Variants in ALPK2 observed in about 807,000 individuals in gnomAD.
The protein encoded by ALPK2 is alpha kinase 2, also known as alpha-protein kinase 2.
In ALPK2, 127 loss-of-function variants were observed where a neutral mutation model predicts 163.1. That is an observed-to-expected ratio of 0.78 (90% CI 0.67 to 0.90). The LOEUF is 0.90. Among genes scored for constraint, ALPK2 ranks in the 40% least tolerant of loss-of-function variants. The pLI is 0.00. For synonymous variants in ALPK2, 953 were observed against 959.1 expected (o/e 0.99, Z 0.12); for missense variants, 2,360 against 2,589.6 (o/e 0.91, Z 1.92).
intron 12 of ALPK2, among the ~76,000 whole-genome samples, chr18:58,490,120 G>A (rs559325370): frequency 2.2e-4 from 34 of 152,146 alleles, no homozygotes; most frequent in Admixed American, 6.5e-4. Context: ...TTCAACCTAG[G>A]GTTTCCCAAA....
chr18:58,521,627 C>CTTTTTTTTTTTT lies in ALPK2; in HGVS notation c.5665+2167_5665+2178dup, dbSNP rs398033036. Among the ~76,000 whole-genome samples, 224 of 55,380 alleles carry CTTTTTTTTTTTT rather than the reference C, an allele frequency of 4.0e-3. 30 individuals are homozygous for CTTTTTTTTTTTT. The highest frequency in any genetic ancestry group is 9.4e-3 in the African/African-American group (149 of 15,828). The allele number at this position is 55,380 out of a possible 152,430, so 36.3% of individuals were successfully genotyped here. A position where few individuals can be genotyped will look rare whatever the true frequency, so the allele number is the denominator to read the frequency against. ...TTTCTTTTTCTTTCTTTCTCTCTCT[C>CTTTTTTTTTTTT]TTTTTTTTTTTTTTTTTTTGAGATG... On this transcript the variant is annotated intron_variant, in intron 8 of 12. Coordinates refer to ENST00000361673, the MANE Select transcript of ALPK2 (RefSeq NM_052947.4).
At position 58,529,063 on chromosome 18, in the gene ALPK2, G is replaced by C. The variant is rs920200804; in HGVS notation, c.5501+28C>G. 6 of 1,613,736 alleles carry C rather than the reference G, an allele frequency of 3.7e-6. No homozygotes were observed. In the Admixed American group the frequency reaches 5.0e-5, roughly 13 times the overall value. ...TGTGAAATAAACAAGCAACAACTGT[G>C]AAAAGTAACCAGGGAAAAACATCGC... On this transcript the variant is annotated intron_variant, in intron 6 of 12. Coordinates refer to ENST00000361673, the MANE Select transcript of ALPK2 (RefSeq NM_052947.4).
At chr18:58,601,992 C>A (rs970395437) in intron 3 of ALPK2, among the ~76,000 whole-genome samples, 1 of 152,078 alleles carries the variant, frequency 6.6e-6, no homozygotes, top group African/African-American at 2.4e-5. Context: ...GCAGTAGCAC[C>A]CCACCCCCTC....
At chr18:58,507,581 A>G (rs966901808) in intron 10 of ALPK2, among the ~76,000 whole-genome samples, 4 of 152,182 alleles carry the variant, frequency 2.6e-5, no homozygotes, top group Non-Finnish European at 5.9e-5. Context: ...CCCCTCTCCC[A>G]GTGGAATGAA....
intron 3 of ALPK2, among the ~76,000 whole-genome samples, chr18:58,594,892 C>T (rs554071959): frequency 6.6e-6 from 1 of 152,368 alleles, no homozygotes; most frequent in East Asian, 1.9e-4. Context: ...TGGTTGCTTG[C>T]AGTCCCCATC....
chr18:58,554,817 A>G (rs2051781265), intron 4 of ALPK2, among the ~76,000 whole-genome samples: 1 of 152,112 alleles, frequency 6.6e-6, no homozygotes, highest in Admixed American at 6.5e-5. Context: ...AGCTCCCATA[A>G]TCCCCATGTA....
intron 4 of ALPK2, among the ~76,000 whole-genome samples, chr18:58,545,525 G>C (rs577147218): frequency 6.6e-6 from 1 of 152,282 alleles, no homozygotes; most frequent in South Asian, 2.1e-4. Flanking sequence ...AAGTAGAGTG[G>C]GGGAGGGAGA....
At chr18:58,504,755 C>T (rs182804958) in intron 10 of ALPK2, among the ~76,000 whole-genome samples, 14 of 152,226 alleles carry the variant, frequency 9.2e-5, no homozygotes, top group Admixed American at 3.3e-4. Context: ...GAAGAGGAGA[C>T]GGGCATGCGG....
At chr18:58,549,963 C>A (rs1192794605) in intron 4 of ALPK2, among the ~76,000 whole-genome samples, 1 of 152,096 alleles carries the variant, frequency 6.6e-6, no homozygotes, top group East Asian at 1.9e-4. Flanking sequence ...GACCTACGTG[C>A]CCCTCTCACC....
In ALPK2 at chr18:58,535,672, TG is replaced by T; in HGVS notation, c.4514del (p.Pro1505GlnfsTer6). ...GTATTTGGCCTATGCTACATCCACTTGGAATTCTTTCACCGCCTTCGCTGGG... is the reference window on the plus strand; with the variant it reads ...GTATTTGGCCTATGCTACATCCACTTGAATTCTTTCACCGCCTTCGCTGGG... ...LQPSEGGERI[P>X]SGCSIGQIQE... On this transcript the variant is annotated frameshift_variant, in exon 5 of 13. Coordinates refer to ENST00000361673, the MANE Select transcript of ALPK2 (RefSeq NM_052947.4). 1 of 1,614,266 alleles carries T rather than the reference TG, an allele frequency of 6.2e-7. No homozygotes were observed. Among genetic ancestry groups the T allele is most frequent in the South Asian group, 1.1e-5 (1 of 91,086 alleles).
rs1311083931 is a variant in ALPK2 at position 58,536,512 on chromosome 18, A to G, written c.3675T>C (p.Tyr1225=). Residue 1225 remains tyrosine, a synonymous_variant, in exon 5 of 13, where the codon TAT becomes TAC. Transcript: ENST00000361673. ...SDILLEESKE[Y]RPGNWEAGNK... ...TGCCTGCCTCCCAATTTCCAGGTCT[A>G]TATTCTTTAGACTCTTCCAAAAGGA... 3.7e-6 allele frequency: 6 copies of G among 1,613,704 alleles called. No individual in the cohort carries two copies. The highest frequency in any genetic ancestry group is 2.2e-5 in the South Asian group (2 of 91,068).
chr18:58,483,807 C>T (rs1372960764), intron 12 of ALPK2, among the ~76,000 whole-genome samples: 3 of 151,304 alleles, frequency 2.0e-5, no homozygotes, highest in Non-Finnish European at 2.9e-5. Flanking sequence ...TCAGGTGATC[C>T]GCCCGCCTCG....
At chr18:58,527,680 A>C (rs1457604855) in intron 6 of ALPK2, among the ~76,000 whole-genome samples, 1 of 152,246 alleles carries the variant, frequency 6.6e-6, no homozygotes, top group Non-Finnish European at 1.5e-5. Flanking sequence ...TTTTTAAGTG[A>C]AGCTCTAGGG....
rs545965176 is a variant in ALPK2, at chr18:58,535,418, G to A, written c.4769C>T (p.Thr1590Ile). 2 of 1,614,196 alleles carry A rather than the reference G, an allele frequency of 1.2e-6. No individual in the cohort carries two copies. The highest frequency in any genetic ancestry group is 1.6e-4 in the Middle Eastern group (1 of 6,062). ...AGGTTTCCCACGCTCATTCTCAATA[G>A]TTCCCCTTTTCTGTGAAACAGGAAA... ...YVFPVSQKRG[T>I]IENERGKPLP... The change falls in exon 5 of 13, where the codon ACT (threonine) becomes ATT (isoleucine). Residue 1590 changes from threonine to isoleucine, a missense_variant. By Grantham distance (89) the Thr-to-Ile change is moderately conservative. Coordinates refer to ENST00000361673, the MANE Select transcript of ALPK2 (RefSeq NM_052947.4).
At chr18:58,494,025 C>G (rs11662764) in intron 12 of ALPK2, among the ~76,000 whole-genome samples, 1 of 152,038 alleles carries the variant, frequency 6.6e-6, no homozygotes, top group Non-Finnish European at 1.5e-5. Flanking sequence ...GGGAACTCCC[C>G]GACTGGCTGG....
intron 5 of ALPK2, among the ~76,000 whole-genome samples, chr18:58,533,065 G>A (rs1005173533): frequency 5.3e-5 from 8 of 152,182 alleles, no homozygotes; most frequent in Non-Finnish European, 7.4e-5. Context: ...TCTCTACCCC[G>A]TAGTCTCCGG....
At chr18:58,525,778 C>T (rs1184339848) in intron 6 of ALPK2, among the ~76,000 whole-genome samples, 4 of 151,998 alleles carry the variant, frequency 2.6e-5, no homozygotes, top group East Asian at 1.9e-4. Context: ...GAAGCTTCAG[C>T]GAAAAGCCCA....
At chr18:58,522,093 A>G (rs575018513) in intron 8 of ALPK2, among the ~76,000 whole-genome samples, 1 of 152,336 alleles carries the variant, frequency 6.6e-6, no homozygotes, top group South Asian at 2.1e-4. Context: ...TAGTTCAATT[A>G]ACTGTCAGAA....
intron 1 of ALPK2, among the ~76,000 whole-genome samples, chr18:58,614,271 C>T (rs1356187216): frequency 1.3e-5 from 2 of 152,220 alleles, no homozygotes; most frequent in Non-Finnish European, 2.9e-5. Context: ...GTGTGGAAGA[C>T]TGAGCAAGAG....
Sources: allele counts gnomAD v4.1 joint callset (sites outside exome capture counted in the v4.1 genomes callset), GRCh38; gene constraint gnomAD v4.1.1; transcripts MANE v1.5; gene names NCBI Gene and HGNC (gene_info 2026-07-23, HGNC 2026-07-21).